Variants in TMEM255B observed in about 807,000 individuals in gnomAD.
The protein encoded by TMEM255B is family with sequence similarity 70, member B.
A neutral mutation model predicts 34.5 loss-of-function variants in TMEM255B; 35 were observed. The observed-to-expected ratio is 1.01, with a 90% CI of 0.77 to 1.34. The LOEUF (loss-of-function observed/expected upper bound fraction) is 1.34. Among genes scored for constraint, TMEM255B ranks in the 40% most tolerant of loss-of-function variants. The pLI is 0.00. For missense variants in TMEM255B, 432 were observed against 433.2 expected, an observed-to-expected ratio of 1.00 and a Z score of 0.02; for synonymous variants, 206 against 201.2, an observed-to-expected ratio of 1.02 and a Z score of -0.20.
In TMEM255B at chr13:113,806,959, G is replaced by A. The variant is rs922295850; in HGVS notation, c.813+1931G>A. On this transcript the variant is annotated intron_variant, in intron 8 of 8. Coordinates refer to ENST00000375353, the MANE Select transcript of TMEM255B (RefSeq NM_182614.4). This position sits in a 1 kb window ranked among gnomAD's most constrained non-coding sequence, Gnocchi z 4.2. ...AACGTGCAGCCCAGAGCATAGCCTC[G>A]GTGGCCCATGCTGTCTTCCATCCTC... Among the ~76,000 whole-genome samples, 31 of 152,292 alleles carry A rather than the reference G, an allele frequency of 2.0e-4. No individual in the cohort carries two copies. Among genetic ancestry groups the A allele is most frequent in the African/African-American group, 4.6e-4 (19 of 41,574 alleles).
At chr13:113,776,030 G>A (rs979886550) in intron 3 of TMEM255B, among the ~76,000 whole-genome samples, 1 of 152,142 alleles carries the variant, frequency 6.6e-6, no homozygotes, top group African/African-American at 2.4e-5. Context: ...CTCCTGGACC[G>A]TGGTGGGACC....
intron 3 of TMEM255B, among the ~76,000 whole-genome samples, chr13:113,791,609 G>A (rs1416181179): frequency 1.3e-5 from 2 of 152,224 alleles, no homozygotes; most frequent in African/African-American, 4.8e-5. Flanking sequence ...GGCGCTGTCT[G>A]AGCGAAAGAT....
chr13:113,808,079 A>T (rs145869349), intron 8 of TMEM255B, among the ~76,000 whole-genome samples: 2 of 152,316 alleles, frequency 1.3e-5, no homozygotes, highest in Non-Finnish European at 2.9e-5. Context: ...GGCAAATCAG[A>T]TGAGGCTCAT....
At chr13:113,804,484 G>A (rs996363606) in intron 7 of TMEM255B, among the ~76,000 whole-genome samples, 3 of 152,188 alleles carry the variant, frequency 2.0e-5, no homozygotes, top group Non-Finnish European at 4.4e-5. Flanking sequence ...AAGAGAGCCC[G>A]AGCCGAGCGG....
intron 8 of TMEM255B, among the ~76,000 whole-genome samples, chr13:113,805,789 C>G (rs532509668): frequency 6.6e-6 from 1 of 152,142 alleles, no homozygotes; most frequent in African/African-American, 2.4e-5. Flanking sequence ...CTGGACGTGC[C>G]GTGTGCCCCC....
rs183835527 is a variant in TMEM255B, at chr13:113,813,563, G to C, written c.*1660G>C. On this transcript the variant is annotated 3_prime_UTR_variant, in exon 9 of 9. Coordinates refer to ENST00000375353, the MANE Select transcript of TMEM255B (RefSeq NM_182614.4). Reference sequence around the variant, plus strand: ...CGGGAGCCTCCCTCTGTCCGATGGAGGGTCTCACACAGCCTCTGCCCCCTC... The same window carrying C: ...CGGGAGCCTCCCTCTGTCCGATGGACGGTCTCACACAGCCTCTGCCCCCTC... The C allele has an allele frequency of 9.6e-5, 14 of 146,352 alleles. No individual in the cohort carries two copies. Among genetic ancestry groups the C allele is most frequent in the African/African-American group, 2.9e-4 (12 of 40,854 alleles). The allele number at this position is 146,352 out of a possible 1,614,324, so 9.1% of individuals were successfully genotyped here. A position where few individuals can be genotyped will look rare whatever the true frequency, so the allele number is the denominator to read the frequency against.
At chr13:113,803,919 C>G (rs12100036) in intron 7 of TMEM255B, among the ~76,000 whole-genome samples, 15 of 150,112 alleles carry the variant, frequency 1.0e-4, no homozygotes, top group Admixed American at 2.6e-4. Context: ...ACCGTGTCCC[C>G]GGGTTGTCAC....
At position 113,816,041 on chromosome 13, in the gene TMEM255B, C is replaced by CACA. The variant is rs1566345552; in HGVS notation, c.*4138_*4139insACA. On this transcript the variant is annotated 3_prime_UTR_variant, in exon 9 of 9. Transcript: ENST00000375353. ...TTCTTTTCGGGGAGGCAAGCGTGTT[C>CACA]GCAGCGTGTTCTGTATGGGGAGAGA... The CACA allele has an allele frequency of 4.7e-5, 7 of 147,776 alleles. No homozygotes were observed. Among genetic ancestry groups the CACA allele is most frequent in the African/African-American group, 2.2e-4 (7 of 32,382 alleles). 9.2% of individuals were successfully genotyped at this position (147,776 alleles called of 1,614,324 possible). A position where few individuals can be genotyped will look rare whatever the true frequency, so the allele number is the denominator to read the frequency against.
At chr13:113,786,308 A>G (rs1339641888) in intron 3 of TMEM255B, among the ~76,000 whole-genome samples, 2 of 149,870 alleles carry the variant, frequency 1.3e-5, no homozygotes, top group African/African-American at 5.0e-5. Context: ...TGCCATTGTC[A>G]CCTTCCCCAC....
chr13:113,796,219 A>AGC (rs1427559706), intron 4 of TMEM255B, among the ~76,000 whole-genome samples: 1 of 150,786 alleles, frequency 6.6e-6, no homozygotes, highest in Non-Finnish European at 1.5e-5. Flanking sequence ...CAGAGCACAC[A>AGC]GCACACACAC....
At chr13:113,808,824 T>G (rs1252336619) in intron 8 of TMEM255B, among the ~76,000 whole-genome samples, 7 of 119,986 alleles carry the variant, frequency 5.8e-5, no homozygotes, top group South Asian at 3.0e-4. Flanking sequence ...TTCCTGGGGG[T>G]TTACTCCGTG....
intron 3 of TMEM255B, among the ~76,000 whole-genome samples, chr13:113,793,276 C>T (rs1472175082): frequency 3.3e-5 from 5 of 152,242 alleles, no homozygotes; most frequent in African/African-American, 9.6e-5. Context: ...GCTAACTGCC[C>T]GGACTTTGTT....
chr13:113,783,527 G>A (rs1055115194), intron 3 of TMEM255B, among the ~76,000 whole-genome samples: 1 of 152,140 alleles, frequency 6.6e-6, no homozygotes, highest in Non-Finnish European at 1.5e-5. Flanking sequence ...ATAATGAGAG[G>A]GATTTTCAGA....
rs1414411664 is a variant in TMEM255B, at chr13:113,804,970, G to T, written c.755G>T (p.Gly252Val). 1.6e-5 allele frequency: 25 copies of T among 1,606,706 alleles called. No individual in the cohort carries two copies. Among genetic ancestry groups the T allele is most frequent in the Non-Finnish European group, 2.1e-5 (25 of 1,179,770 alleles). ...NPAQQILAYA[G>V]FRLTPEPVPT... ...GCCCAGCAGATCCTGGCCTACGCAG[G>T]CTTCCGCCTGACGCCCGAGCCCGTC... Residue 252 changes from glycine (G) to valine (V), a missense_variant, in exon 8 of 9, where the codon GGC becomes GTC. Gly to Val is a moderately radical substitution (Grantham distance 109, BLOSUM62 -3). Transcript: ENST00000375353.
At chr13:113,797,433 C>A (rs1414657975) in intron 4 of TMEM255B, among the ~76,000 whole-genome samples, 1 of 152,232 alleles carries the variant, frequency 6.6e-6, no homozygotes, top group Non-Finnish European at 1.5e-5. Context: ...TGCTGCTAGG[C>A]CTCTGTCCCC....
rs1425996138 is a variant in TMEM255B at position 113,778,634 on chromosome 13, T to G, written c.252+9474T>G. Among the ~76,000 whole-genome samples, 5 of 151,800 alleles carry G rather than the reference T, an allele frequency of 3.3e-5. No homozygotes were observed. In the South Asian group the frequency reaches 8.4e-4, roughly 25 times the overall value. On this transcript the variant is annotated intron_variant, in intron 3 of 8. Coordinates refer to ENST00000375353, the MANE Select transcript of TMEM255B (RefSeq NM_182614.4). ...CTCGATTTCACCTGCTGTAATGATA[T>G]GACGATGATCACCTGTGGTACTGTG...
intron 1 of TMEM255B, 78 bp downstream of exon 1, chr13:113,759,393 G>T (rs1355539039): frequency 5.0e-6 from 6 of 1,193,004 alleles, no homozygotes; most frequent in East Asian, 6.4e-5. Flanking sequence ...ACAGGTCCCC[G>T]GCCGGCCCGG....
chr13:113,762,921 A>G (rs1729486230), intron 1 of TMEM255B, among the ~76,000 whole-genome samples: 1 of 152,268 alleles, frequency 6.6e-6, no homozygotes, highest in Non-Finnish European at 1.5e-5. Context: ...TCCTTTGAGA[A>G]GGACAGCGTT....
chr13:113,789,120 T>TA (rs149195266), intron 3 of TMEM255B, among the ~76,000 whole-genome samples: 23 of 151,470 alleles, frequency 1.5e-4, no homozygotes, highest in Non-Finnish European at 1.8e-4. Flanking sequence ...CCTTATCCCC[T>TA]TCCTTCTTTT....
Sources: allele counts gnomAD v4.1 joint callset (sites outside exome capture counted in the v4.1 genomes callset), GRCh38; gene constraint gnomAD v4.1.1; non-coding constraint Gnocchi (gnomAD v3.1); transcripts MANE v1.5; gene names NCBI Gene and HGNC (gene_info 2026-07-23, HGNC 2026-07-21).